EVPL: variants seen among roughly 807,000 people sequenced by gnomAD.
EVPL encodes 210 kDa cornified envelope precursor protein.
A neutral mutation model predicts 129.7 loss-of-function variants in EVPL; 94 were observed. The observed-to-expected ratio is 0.72, with a 90% confidence interval of 0.61 to 0.86. The LOEUF is 0.86. Among genes scored for constraint, EVPL ranks in the 40% least tolerant of loss-of-function variants. The pLI is 0.00. For missense variants in EVPL, 2,625 were observed against 2,721.1 expected, an observed-to-expected ratio of 0.96 and a Z score of 0.79; for synonymous variants, 1,172 against 1,191.1, an observed-to-expected ratio of 0.98 and a Z score of 0.33.
intron 18 of EVPL, among the ~76,000 whole-genome samples, chr17:76,012,906 G>T (rs985894395): frequency 6.6e-6 from 1 of 151,744 alleles, no homozygotes; most frequent in African/African-American, 2.4e-5. Flanking sequence ...CACCGTGCCC[G>T]GCTAATTTTT....
intron 21 of EVPL, among the ~76,000 whole-genome samples, chr17:76,011,286 C>T (rs2066374497): frequency 6.6e-6 from 1 of 152,208 alleles, no homozygotes; most frequent in Admixed American, 6.5e-5. Flanking sequence ...ATTTTCTCTG[C>T]TCTCTGGGGT....
rs1298254465 is a variant in EVPL at position 76,018,388 on chromosome 17, C to T, written c.1439+58G>A. 2.7e-5 allele frequency: 42 copies of T among 1,558,754 alleles called. 1 individual carries two copies. The Middle Eastern group carries it at 1.3e-3, about 49-fold the overall frequency. On this transcript the variant is annotated intron_variant, in intron 12 of 21. Coordinates refer to ENST00000301607, the MANE Select transcript of EVPL (RefSeq NM_001988.4). ...TCTGTTGGGCCATGGGCTTGGACACCGCAGGGCCGGCCTGCTCTGCCCACA... is the reference window on the plus strand; with the variant it reads ...TCTGTTGGGCCATGGGCTTGGACACTGCAGGGCCGGCCTGCTCTGCCCACA...
chr17:76,027,016 C>G (rs1489523326), intron 1 of EVPL, 85 bp downstream of exon 1: 2 of 805,392 alleles, frequency 2.5e-6, no homozygotes, highest in African/African-American at 1.8e-5. Flanking sequence ...TCTGGGCCGC[C>G]GCCGCCGCCA....
rs1284360846 is a variant in EVPL at position 76,009,011 on chromosome 17, C to T, written c.4194G>A (p.Glu1398=). 1 of 1,612,898 alleles carries T rather than the reference C, an allele frequency of 6.2e-7. No homozygotes were observed. The highest frequency in any genetic ancestry group is 2.2e-5 in the East Asian group (1 of 44,864). ...HSRLSGSLDE[E]VGRRRQLELE... ...GCTCTAGCTGGCGCCGCCGGCCCAC[C>T]TCCTCATCCAGGCTCCCGCTCAGCC... Residue 1398 remains glutamate, a synonymous_variant, in exon 22 of 22, where the codon GAG becomes GAA. Coordinates refer to ENST00000301607, the MANE Select transcript of EVPL (RefSeq NM_001988.4). This position sits in a 1 kb window ranked among gnomAD's most constrained non-coding sequence, Gnocchi z 5.9.
rs776220221 is a variant in EVPL, at chr17:76,007,713, T to C, written c.5492A>G (p.Tyr1831Cys). The change falls in exon 22 of 22, where the codon TAT becomes TGT. Residue 1831 changes from tyrosine (Y) to cysteine (C), a missense_variant. Transcript: ENST00000301607. The surrounding 1 kb of genome is among the most constrained non-coding windows in gnomAD (Gnocchi z 8.8). ...GDDSFPIAGIYDTTTDNKCSI... is the reference protein window; with the variant it reads ...GDDSFPIAGICDTTTDNKCSI... ...GCACTTGTTGTCTGTGGTTGTGTCA[T>C]AGATCCCGGCGATAGGGAAGCTGTC... 4 of 1,613,106 alleles carry C rather than the reference T, an allele frequency of 2.5e-6. No individual in the cohort carries two copies. Among genetic ancestry groups the C allele is most frequent in the East Asian group, 4.5e-5 (2 of 44,866 alleles).
At position 76,010,313 on chromosome 17, in the gene EVPL, C is replaced by G; in HGVS notation, c.2892G>C (p.Arg964=). Residue 964 remains arginine (R), a synonymous_variant, in exon 22 of 22, where the codon CGG becomes CGC. Transcript: ENST00000301607. Reference sequence around the variant, plus strand: ...ACAGGCTGCCCTCCAGCTGGGGGTCCCGGTAGAACTCTACCACTTCCTTCT... The same window carrying G: ...ACAGGCTGCCCTCCAGCTGGGGGTCGCGGTAGAACTCTACCACTTCCTTCT... The part of the protein sequence containing the change: ...LEEKEVVEFY[R]DPQLEGSLSR... 1 of 1,613,930 alleles carries G rather than the reference C, an allele frequency of 6.2e-7. No homozygotes were observed.
intron 4 of EVPL, 62 bp downstream of exon 4, chr17:76,023,230 G>A: frequency 6.2e-7 from 1 of 1,601,100 alleles, no homozygotes; most frequent in South Asian, 1.1e-5. Flanking sequence ...GTCAGGCCCT[G>A]GATTAAATGC....
Position 76,023,370 on chromosome 17 carries a change from A to G in EVPL, c.402T>C (p.Arg134=), listed in dbSNP as rs572574036. The G allele has an allele frequency of 1.4e-5, 22 of 1,613,862 alleles. No homozygotes were observed. In the East Asian group the frequency reaches 4.9e-4, roughly 36 times the overall value. The part of the protein sequence containing the change: ...ERVTQECAEY[R]ALYEKMVLPP... ...GCAGCACCATCTTCTCGTACAGGGCACGGTACTCCGCACACTCCTGGGTCA... is the reference window on the plus strand; with the variant it reads ...GCAGCACCATCTTCTCGTACAGGGCGCGGTACTCCGCACACTCCTGGGTCA... Residue 134 remains arginine (R), a synonymous_variant, in exon 4 of 22, where the codon CGT becomes CGC. Coordinates refer to ENST00000301607, the MANE Select transcript of EVPL (RefSeq NM_001988.4).
chr17:76,015,996 T>C (rs1019278500), intron 14 of EVPL, among the ~76,000 whole-genome samples: 2 of 151,898 alleles, frequency 1.3e-5, no homozygotes, highest in South Asian at 4.2e-4. Context: ...ATACAAAAAT[T>C]AGCCGGCCGT....
chr17:76,008,812 C>G lies in EVPL; in HGVS notation c.4393G>C (p.Val1465Leu), dbSNP rs745858072. The G allele has an allele frequency of 6.2e-7, 1 of 1,614,142 alleles. No homozygotes were observed. The highest frequency in any genetic ancestry group is 1.1e-5 in the South Asian group (1 of 91,082). ...TVQEKIIMEE[V>L]VKLEKDPDLE... ...TCCGGGTCCTTCTCCAGCTTGACCACTTCCTCCATGATGATCTTCTCCTGC... is the reference window on the plus strand; with the variant it reads ...TCCGGGTCCTTCTCCAGCTTGACCAGTTCCTCCATGATGATCTTCTCCTGC... Residue 1465 changes from valine to leucine, a missense_variant, in exon 22 of 22, where the codon GTG becomes CTG. Physicochemically the swap from Val to Leu is conservative, Grantham distance 32. Around this residue, in one of 4 missense-constraint regions of EVPL, gnomAD observed 1,453 missense variants for 1,511.8 expected, o/e 0.96. Coordinates refer to ENST00000301607, the MANE Select transcript of EVPL (RefSeq NM_001988.4). The surrounding 1 kb of genome is among the most constrained non-coding windows in gnomAD (Gnocchi z 7.4).
At chr17:76,025,950 T>G (rs1416742187) in intron 1 of EVPL, among the ~76,000 whole-genome samples, 1 of 152,200 alleles carries the variant, frequency 6.6e-6, no homozygotes, top group Admixed American at 6.5e-5. Context: ...CCAGCTCTAT[T>G]TTGTTTTAAC....
At chr17:76,026,223 C>T (rs1020034436) in intron 1 of EVPL, among the ~76,000 whole-genome samples, 6 of 147,378 alleles carry the variant, frequency 4.1e-5, no homozygotes, top group Admixed American at 2.1e-4. Flanking sequence ...GGATTGCAGG[C>T]GTGAGGTATT....
intron 14 of EVPL, among the ~76,000 whole-genome samples, chr17:76,016,513 G>T (rs968976437): frequency 1.3e-5 from 2 of 152,236 alleles, no homozygotes; most frequent in South Asian, 4.1e-4. Flanking sequence ...TTCTTGGGAG[G>T]TGAAGACAGG....
At position 76,007,011 on chromosome 17, in the gene EVPL, C is replaced by G; in HGVS notation, c.*92G>C. ...ACAGTGGTTGGACAGAGGGAAGACC[C>G]ACTGCCTGGGATGAGGCTGCTCTGA... On this transcript the variant is annotated 3_prime_UTR_variant, in exon 22 of 22. Coordinates refer to ENST00000301607, the MANE Select transcript of EVPL (RefSeq NM_001988.4). The surrounding 1 kb of genome is among the most constrained non-coding windows in gnomAD (Gnocchi z 8.8). The G allele has an allele frequency of 8.0e-7, 1 of 1,248,850 alleles. No homozygotes were observed. Among genetic ancestry groups the G allele is most frequent in the Non-Finnish European group, 1.0e-6 (1 of 985,238 alleles). The allele number at this position is 1,248,850 out of a possible 1,614,324, so 77.4% of individuals were successfully genotyped here.
In EVPL at chr17:76,009,879, G is replaced by A. The variant is rs369142937; in HGVS notation, c.3326C>T (p.Ala1109Val). ...CTGTAGCTTGGCCACAGCCTCCTCCGCCTGCTTCCTCCGCGCAGCATCCTC... is the reference window on the plus strand; with the variant it reads ...CTGTAGCTTGGCCACAGCCTCCTCCACCTGCTTCCTCCGCGCAGCATCCTC... Reference protein sequence around the residue: ...MEEDAARRKQAEEAVAKLQAR... With the variant: ...MEEDAARRKQVEEAVAKLQAR... Residue 1109 changes from alanine (A) to valine (V), a missense_variant, in exon 22 of 22, where the codon GCG becomes GTG. By Grantham distance (64) the Ala-to-Val change is moderately conservative. Coordinates refer to ENST00000301607, the MANE Select transcript of EVPL (RefSeq NM_001988.4). This position sits in a 1 kb window ranked among gnomAD's most constrained non-coding sequence, Gnocchi z 5.9. 5.0e-6 allele frequency: 8 copies of A among 1,614,040 alleles called. No homozygotes were observed. Among genetic ancestry groups the A allele is most frequent in the Admixed American group, 3.3e-5 (2 of 60,022 alleles).
chr17:76,021,620 C>CT (rs71161251), intron 8 of EVPL, 54 bp downstream of exon 8: 4 of 1,359,368 alleles, frequency 2.9e-6, no homozygotes, highest in Non-Finnish European at 3.8e-6. Context: ...CGCCCCACCT[C>CT]CCCCCTTCCC....
At chr17:76,017,305 G>A (rs573963081) in intron 14 of EVPL, among the ~76,000 whole-genome samples, 1 of 152,286 alleles carries the variant, frequency 6.6e-6, no homozygotes, top group Non-Finnish European at 1.5e-5. Flanking sequence ...TTGAGTCCAC[G>A]TGCTGTTCTT....
At chr17:76,017,381 C>T (rs1212305076) in intron 14 of EVPL, among the ~76,000 whole-genome samples, 2 of 152,168 alleles carry the variant, frequency 1.3e-5, no homozygotes, top group Non-Finnish European at 2.9e-5. Context: ...CAGGGGACAT[C>T]TCTTCCTAAG....
rs200344741 is a variant in EVPL at position 76,009,937 on chromosome 17, T to G, written c.3268A>C (p.Lys1090Gln). The part of the protein sequence containing the change: ...VKVEKNLEMV[K>Q]AAQALRLQME... ...TGCAGCCTCAGAGCCTGGGCTGCCT[T>G]GACCATTTCCAGATTCTTCTCCACC... Residue 1090 changes from lysine (K) to glutamine (Q), a missense_variant, in exon 22 of 22, where the codon AAG (lysine) becomes CAG (glutamine). Physicochemically the swap from Lys to Gln is moderately conservative, Grantham distance 53 (BLOSUM62 1). This residue lies in a region of EVPL where 1,453 missense variants were observed against 1,511.8 expected (regional missense o/e 0.96). Transcript: ENST00000301607. This position sits in a 1 kb window ranked among gnomAD's most constrained non-coding sequence, Gnocchi z 5.9. 6.2e-7 allele frequency: 1 copy of G among 1,614,090 alleles called. No homozygotes were observed. Among genetic ancestry groups the G allele is most frequent in the East Asian group, 2.2e-5 (1 of 44,874 alleles).
Sources: allele counts gnomAD v4.1 joint callset (sites outside exome capture counted in the v4.1 genomes callset), GRCh38; gene constraint gnomAD v4.1.1; regional missense constraint gnomAD v4.1.1; non-coding constraint Gnocchi (gnomAD v3.1); transcripts MANE v1.5; gene names NCBI Gene and HGNC (gene_info 2026-07-23, HGNC 2026-07-21).